SOX5: variants seen among roughly 807,000 people sequenced by gnomAD.
The protein encoded by SOX5 is SRY-box transcription factor 5.
SOX5 carries 9 observed loss-of-function variants against 92.0 expected under a neutral mutation model. The observed-to-expected ratio is 0.10, with a 90% CI of 0.06 to 0.17. The LOEUF (loss-of-function observed/expected upper bound fraction) is 0.17, where lower values mean the gene tolerates loss of function less well. Ranked by LOEUF, SOX5 falls within the 10% of genes least tolerant of loss-of-function variation. SOX5 has a pLI of 1.00. For synonymous variants in SOX5, 344 were observed against 336.3 expected, an observed-to-expected ratio of 1.02 and a Z score of -0.25; for missense variants, 642 against 944.5, an observed-to-expected ratio of 0.68 and a Z score of 4.20.
At chr12:23,607,509 T>C (rs2075390076) in intron 8 of SOX5, among the ~76,000 whole-genome samples, 2 of 150,730 alleles carry the variant, frequency 1.3e-5, no homozygotes, top group African/African-American at 4.8e-5. Context: ...TTCACACTTT[T>C]AAAAAATTAT....
At chr12:23,736,279 G>A (rs866091696) in intron 5 of SOX5, among the ~76,000 whole-genome samples, 1 of 151,952 alleles carries the variant, frequency 6.6e-6, no homozygotes, top group Non-Finnish European at 1.5e-5. Flanking sequence ...GGCTAACAGG[G>A]TGAAACCCCA....
chr12:23,755,654 G>C lies in SOX5; in HGVS notation c.552C>G (p.Asn184Lys), dbSNP rs762215314. The change falls in exon 4 of 15, where the codon AAC becomes AAG. Residue 184 changes from asparagine (N) to lysine (K), a missense_variant. By Grantham distance (94) the Asn-to-Lys change is moderately conservative. Coordinates refer to ENST00000451604, the MANE Select transcript of SOX5 (RefSeq NM_006940.6). ...CCATATTACCTTTTATTTCGCCAAA[G>C]TTCCCCGATCCCATTGCAAGAAGCT... Reference protein sequence around the residue: ...KDKLLAMGSGNFGEIKGTPES... With the variant: ...KDKLLAMGSGKFGEIKGTPES... The C allele has an allele frequency of 6.3e-7, 1 of 1,591,338 alleles. No individual in the cohort carries two copies. The highest frequency in any genetic ancestry group is 8.5e-7 in the Non-Finnish European group (1 of 1,169,688).
At chr12:23,575,344 A>G (rs912295211) in intron 10 of SOX5, among the ~76,000 whole-genome samples, 1 of 152,226 alleles carries the variant, frequency 6.6e-6, no homozygotes, top group Non-Finnish European at 1.5e-5. Flanking sequence ...GCAAAAAGTA[A>G]GTCACCTAAC....
chr12:23,651,282 T>C (rs1204484238), intron 7 of SOX5, among the ~76,000 whole-genome samples: 1 of 151,984 alleles, frequency 6.6e-6, no homozygotes, highest in Admixed American at 6.6e-5. Flanking sequence ...CAACAACTCT[T>C]TAGGGTAGAA....
Position 24,051,949 on chromosome 12 carries a change from AT to A in SOX5, c.-1-155926del, listed in dbSNP as rs557968902. On this transcript the variant is annotated intron_variant, in intron 4 of 4. Coordinates refer to the SOX5 transcript ENST00000446891. Reference sequence around the variant, plus strand: ...CTCAAAGATTATCAATATCCATTTAATTTCCAAGTCCAGTGGCCTGTTCTCC... The same window carrying A: ...CTCAAAGATTATCAATATCCATTTAATTCCAAGTCCAGTGGCCTGTTCTCC... Among the ~76,000 whole-genome samples, 65 of 152,274 alleles carry A rather than the reference AT, an allele frequency of 4.3e-4. 1 individual carries two copies. Among genetic ancestry groups the A allele is most frequent in the African/African-American group, 1.5e-3 (62 of 41,556 alleles).
intron 2 of SOX5, among the ~76,000 whole-genome samples, chr12:24,360,828 G>C (rs891510783): frequency 1.3e-5 from 2 of 152,076 alleles, no homozygotes; most frequent in African/African-American, 4.8e-5. Flanking sequence ...ATCCATTTTC[G>C]CCTGAAACCC....
At chr12:23,931,993 A>G (rs1008427508) in intron 1 of SOX5, among the ~76,000 whole-genome samples, 6 of 151,536 alleles carry the variant, frequency 4.0e-5, no homozygotes, top group African/African-American at 1.2e-4. Flanking sequence ...AACTCTATGC[A>G]AGACAAATCA....
At position 23,687,530 on chromosome 12, in the gene SOX5, TCA is replaced by T. The variant is rs2087822391; in HGVS notation, c.811-21968_811-21967del. On this transcript the variant is annotated intron_variant, in intron 6 of 14. Coordinates refer to ENST00000451604, the MANE Select transcript of SOX5 (RefSeq NM_006940.6). ...ACAGCACTTTCAATAAGCAAGGGAC[TCA>T]CAGAATTTTAAATATATCTAAACCC... Among the ~76,000 whole-genome samples the T allele has an allele frequency of 3.9e-5, 6 of 152,154 alleles. No homozygotes were observed. In the South Asian group the frequency reaches 1.2e-3, roughly 32 times the overall value.
At chr12:23,622,728 C>A (rs1032703476) in intron 8 of SOX5, among the ~76,000 whole-genome samples, 1 of 152,078 alleles carries the variant, frequency 6.6e-6, no homozygotes, top group African/African-American at 2.4e-5. Context: ...CAAAATCCTA[C>A]TTAAATACTA....
intron 1 of SOX5, among the ~76,000 whole-genome samples, chr12:24,403,550 T>C (rs1243752154): frequency 6.6e-6 from 1 of 152,224 alleles, no homozygotes; most frequent in African/African-American, 2.4e-5. Flanking sequence ...TGCAGCTGTA[T>C]TTGTTTTACA....
At chr12:24,339,039 A>G (rs1952251997) in intron 2 of SOX5, among the ~76,000 whole-genome samples, 1 of 152,162 alleles carries the variant, frequency 6.6e-6, no homozygotes, top group Admixed American at 6.5e-5. Flanking sequence ...CTAGGGGCAC[A>G]GTATAAGGCT....
chr12:23,542,013 G>A (rs2135998841), intron 13 of SOX5, among the ~76,000 whole-genome samples: 1 of 152,258 alleles, frequency 6.6e-6, no homozygotes, highest in South Asian at 2.1e-4. Flanking sequence ...AGGAGGCTGA[G>A]GCAGAAGAAT....
chr12:23,858,476 T>TA (rs1243283124), intron 2 of SOX5, among the ~76,000 whole-genome samples: 1 of 152,056 alleles, frequency 6.6e-6, no homozygotes, highest in African/African-American at 2.4e-5. Context: ...GAAATTCAAA[T>TA]AAAAACCACA....
At chr12:24,233,939 G>A (rs1274091390) in intron 3 of SOX5, among the ~76,000 whole-genome samples, 3 of 152,142 alleles carry the variant, frequency 2.0e-5, no homozygotes, top group Non-Finnish European at 4.4e-5. Context: ...AATAATAAAC[G>A]AAAGGCACAA....
intron 4 of SOX5, among the ~76,000 whole-genome samples, chr12:23,999,801 A>C (rs1243218877): frequency 1.3e-5 from 2 of 151,994 alleles, no homozygotes; most frequent in Non-Finnish European, 2.9e-5. Context: ...AATGAAGGAG[A>C]AACAAAGGTG....
At chr12:23,834,040 A>G (rs1368866831) in intron 3 of SOX5, among the ~76,000 whole-genome samples, 4 of 151,988 alleles carry the variant, frequency 2.6e-5, no homozygotes, top group African/African-American at 7.2e-5. Context: ...GAATGTAAAT[A>G]AACAATAATA....
chr12:24,139,680 T>A (rs1950398034), intron 4 of SOX5, among the ~76,000 whole-genome samples: 1 of 152,232 alleles, frequency 6.6e-6, no homozygotes, highest in Non-Finnish European at 1.5e-5. Flanking sequence ...ATTTTTAATC[T>A]CTTAGAGGAC....
intron 3 of SOX5, among the ~76,000 whole-genome samples, chr12:23,823,946 C>T (rs1442667907): frequency 1.3e-5 from 2 of 152,192 alleles, no homozygotes; most frequent in African/African-American, 4.8e-5. Flanking sequence ...AGTTCTTGTG[C>T]TATGTTTTTC....
At chr12:24,135,496 G>C (rs1950033346) in intron 4 of SOX5, among the ~76,000 whole-genome samples, 1 of 152,162 alleles carries the variant, frequency 6.6e-6, no homozygotes, top group Non-Finnish European at 1.5e-5. Flanking sequence ...AATAATTACT[G>C]AGTATCTGCT....
Sources: allele counts gnomAD v4.1 joint callset (sites outside exome capture counted in the v4.1 genomes callset), GRCh38; gene constraint gnomAD v4.1.1; transcripts MANE v1.5; gene names NCBI Gene and HGNC (gene_info 2026-07-23, HGNC 2026-07-21).